The following RARB variants were observed in gnomAD, a reference collection of about 807,000 sequenced individuals.
The protein encoded by RARB is retinoic acid receptor beta, also known as HBV-activated protein.
A neutral mutation model predicts 51.9 loss-of-function variants in RARB; 17 were observed. The observed-to-expected ratio is 0.33, with a 90% CI of 0.22 to 0.49. RARB has a LOEUF of 0.49. RARB is among the 20% of genes least tolerant of loss of function. RARB has a pLI of 0.99. For synonymous variants in RARB, 215 were observed against 195.4 expected (o/e 1.10, Z -0.84); for missense variants, 369 against 550.8 (o/e 0.67, Z 3.30).
Position 25,501,184 on chromosome 3 carries a change from C to A in RARB, c.309C>A (p.Gly103=). 6.4e-7 allele frequency: 1 copy of A among 1,569,382 alleles called. No individual in the cohort carries two copies. The highest frequency in any genetic ancestry group is 8.6e-7 in the Non-Finnish European group (1 of 1,164,960). The part of the protein sequence containing the change: ...YGVSACEGCK[G]FFRRSIQKNM... ...TTCATCTTCTTGCTTGCTTGCAGGG[C>A]TTTTTCCGCAGAAGTATTCAGAAGA... The change falls in exon 3 of 8, where the codon GGC becomes GGA. Residue 103 remains glycine (G), a splice_region_variant and synonymous_variant. Transcript: ENST00000330688.
chr3:25,023,407 C>T (rs10865802), intron 2 of RARB, among the ~76,000 whole-genome samples: 1 of 151,908 alleles, frequency 6.6e-6, no homozygotes, highest in Non-Finnish European at 1.5e-5. Context: ...GAGGTTAAGA[C>T]GAATGTTGGC....
chr3:25,441,886 TG>T (rs1708702201), intron 1 of RARB, among the ~76,000 whole-genome samples: 1 of 152,192 alleles, frequency 6.6e-6, no homozygotes, highest in Non-Finnish European at 1.5e-5. Context: ...ACTTGGTCTA[TG>T]ATCCTCAGTA....
chr3:25,049,642 A>G (rs1214185878), intron 2 of RARB, among the ~76,000 whole-genome samples: 1 of 152,244 alleles, frequency 6.6e-6, no homozygotes, highest in Non-Finnish European at 1.5e-5. Context: ...TATTGGTGTC[A>G]GACTTCTGAA....
intron 1 of RARB, among the ~76,000 whole-genome samples, chr3:25,452,133 G>T (rs371122717): frequency 6.6e-6 from 1 of 152,068 alleles, no homozygotes; most frequent in Non-Finnish European, 1.5e-5. Context: ...TAGATGTGTC[G>T]GCCTGTTAAG....
chr3:24,954,165 T>C (rs1459405832), intron 2 of RARB, among the ~76,000 whole-genome samples: 1 of 152,186 alleles, frequency 6.6e-6, no homozygotes, highest in African/African-American at 2.4e-5. Flanking sequence ...CTAACACTCC[T>C]GCCAGATTGT....
intron 5 of RARB, among the ~76,000 whole-genome samples, chr3:25,581,272 A>G (rs1701163037): frequency 6.6e-6 from 1 of 152,188 alleles, no homozygotes; most frequent in South Asian, 2.1e-4. Context: ...TAAAAAAGCA[A>G]TGTTTTTATA....
intron 2 of RARB, among the ~76,000 whole-genome samples, chr3:25,491,521 G>A (rs2125592775): frequency 6.6e-6 from 1 of 152,206 alleles, no homozygotes; most frequent in South Asian, 2.1e-4. Flanking sequence ...ATCCAAGACT[G>A]CCACGTCCTC....
intron 5 of RARB, among the ~76,000 whole-genome samples, chr3:25,202,087 TATTA>T (rs1229230987): frequency 1.3e-5 from 2 of 152,252 alleles, no homozygotes; most frequent in Non-Finnish European, 2.9e-5. Flanking sequence ...GTTGGTAAGC[TATTA>T]ATTATTGCCT....
chr3:24,869,390 T>C (rs1194377997), intron 2 of RARB, among the ~76,000 whole-genome samples: 1 of 152,112 alleles, frequency 6.6e-6, no homozygotes, highest in African/African-American at 2.4e-5. Flanking sequence ...TTAAGACAAA[T>C]CAAATTATGC....
intron 2 of RARB, among the ~76,000 whole-genome samples, chr3:25,057,869 C>T (rs1347808417): frequency 6.6e-6 from 1 of 151,838 alleles, no homozygotes; most frequent in Non-Finnish European, 1.5e-5. Context: ...TAAAAGAGCT[C>T]TTACAGAAAT....
chr3:25,234,318 C>CTTTAAA (rs1702253058), intron 5 of RARB, among the ~76,000 whole-genome samples: 1 of 152,108 alleles, frequency 6.6e-6, no homozygotes, highest in Non-Finnish European at 1.5e-5. Context: ...TGGTCCATTT[C>CTTTAAA]ATCTAAGTTA....
chr3:25,258,607 G>A (rs544978362), intron 5 of RARB, among the ~76,000 whole-genome samples: 32 of 152,178 alleles, frequency 2.1e-4, no homozygotes, highest in Non-Finnish European at 1.9e-4. Context: ...GTCTTGGTCT[G>A]TTTTCTGTTG....
intron 2 of RARB, among the ~76,000 whole-genome samples, chr3:25,496,800 G>A (rs1697055848): frequency 1.3e-5 from 2 of 152,150 alleles, no homozygotes; most frequent in Admixed American, 6.6e-5. Flanking sequence ...ACTGAGAAAA[G>A]GAAGTTCCCA....
intron 2 of RARB, among the ~76,000 whole-genome samples, chr3:25,017,332 C>G (rs1697532281): frequency 6.6e-6 from 1 of 150,648 alleles, no homozygotes; most frequent in Admixed American, 6.6e-5. Context: ...CCCACATAAC[C>G]CAGTCTATGT....
chr3:25,568,521 C>T (rs1318700051), intron 3 of RARB, among the ~76,000 whole-genome samples: 2 of 152,072 alleles, frequency 1.3e-5, no homozygotes, highest in African/African-American at 4.8e-5. Context: ...CTTCCCCCTT[C>T]TCACCCCTTG....
chr3:25,385,846 A>G (rs1372835104), intron 5 of RARB, among the ~76,000 whole-genome samples: 3 of 152,112 alleles, frequency 2.0e-5, no homozygotes, highest in Non-Finnish European at 2.9e-5. Context: ...TTCTTAGTCT[A>G]GGCAAGCACG....
chr3:25,039,576 T>A (rs571280099), intron 2 of RARB, among the ~76,000 whole-genome samples: 2 of 152,338 alleles, frequency 1.3e-5, no homozygotes, highest in East Asian at 3.9e-4. Flanking sequence ...CCGATCACAC[T>A]GTGGATTATG....
At chr3:25,586,545 C>A (rs552820475) in intron 5 of RARB, among the ~76,000 whole-genome samples, 19 of 152,352 alleles carry the variant, frequency 1.2e-4, no homozygotes, top group Non-Finnish European at 2.1e-4. Flanking sequence ...GATTTAATGT[C>A]TTTCCCTACA....
rs1051022799 is a variant in RARB at position 25,597,646 on chromosome 3, C to CAAAG, written c.*1034_*1037dup. ...GGGGCTAATTAATATTAACAACTCC[C>CAAAG]AAAGAAACAGGCATAGAATCTGCCT... is the stretch of plus-strand genomic sequence containing the variant. On this transcript the variant is annotated 3_prime_UTR_variant, in exon 8 of 8. Transcript: ENST00000330688. 1 of 140,308 alleles carries CAAAG rather than the reference C, an allele frequency of 7.1e-6. No homozygotes were observed. Among genetic ancestry groups the CAAAG allele is most frequent in the Non-Finnish European group, 1.6e-5 (1 of 61,614 alleles). 8.7% of individuals were successfully genotyped at this position (140,308 alleles called of 1,614,324 possible). A position where few individuals can be genotyped will look rare whatever the true frequency, so the allele number is the denominator to read the frequency against.
Sources: allele counts gnomAD v4.1 joint callset (sites outside exome capture counted in the v4.1 genomes callset), GRCh38; gene constraint gnomAD v4.1.1; transcripts MANE v1.5; gene names NCBI Gene and HGNC (gene_info 2026-07-23, HGNC 2026-07-21).